Variants in LCN10 observed in about 807,000 individuals in gnomAD.
LCN10 encodes the protein epididymal-specific lipocalin-10.
A neutral mutation model predicts 25.1 loss-of-function variants in LCN10; 18 were observed. The ratio of observed to expected loss-of-function variants is 0.72; its 90% CI spans 0.50 to 1.06. LCN10 has a LOEUF of 1.06. Ranked by LOEUF, LCN10 falls within the 50% of genes least tolerant of loss-of-function variation. The pLI, the probability that LCN10 is intolerant of heterozygous loss-of-function variation, is 0.00. For synonymous variants in LCN10, 130 were observed against 116.7 expected, an observed-to-expected ratio of 1.11 and a Z score of -0.73; for missense variants, 257 against 258.9, an observed-to-expected ratio of 0.99 and a Z score of 0.05.
At chr9:136,741,174 G>A (rs1846924604) in intron 3 of LCN10, 78 bp downstream of exon 3, 5 of 1,294,214 alleles carry the variant, frequency 3.9e-6, no homozygotes, top group Non-Finnish European at 5.5e-6. Flanking sequence ...TGCTCTCGGG[G>A]ACAAGGGGCC....
In LCN10 at chr9:136,742,039, G is replaced by C. The variant is rs1588298078; in HGVS notation, c.118-19C>G. 3 of 1,611,822 alleles carry C rather than the reference G, an allele frequency of 1.9e-6. No individual in the cohort carries two copies. The highest frequency in any genetic ancestry group is 2.5e-6 in the Non-Finnish European group (3 of 1,179,422). On this transcript the variant is annotated intron_variant, in intron 1 of 5. Coordinates refer to ENST00000497771, the MANE Select transcript of LCN10 (RefSeq NM_001001712.3). ...CTGAAAACTGCGCAGCGGATGTGTGGGCGGGGACAGGAGCTGCCACCGGGG... is the reference window on the plus strand; with the variant it reads ...CTGAAAACTGCGCAGCGGATGTGTGCGCGGGGACAGGAGCTGCCACCGGGG...
intron 1 of LCN10, chr9:136,742,332 G>A: frequency 4.6e-6 from 2 of 432,184 alleles, no homozygotes; most frequent in South Asian, 6.6e-5. Context: ...GCTGGGTACT[G>A]CTCGGCCACT....
intron 1 of LCN10, chr9:136,742,405 C>T (rs773503860): frequency 2.2e-5 from 9 of 403,466 alleles, no homozygotes; most frequent in African/African-American, 1.0e-4. Flanking sequence ...CCCTGGGCAC[C>T]GCCGTGCCAA....
In LCN10 at chr9:136,740,896, C is replaced by A; in HGVS notation, c.415G>T (p.Gly139Cys). The change falls in exon 4 of 6, where the codon GGC (glycine) becomes TGC (cysteine). Residue 139 changes from glycine (G) to cysteine (C), a missense_variant. Transcript: ENST00000497771. This position sits in a 1 kb window ranked among gnomAD's most constrained non-coding sequence, Gnocchi z 5.3. ...CGCCCCAGGCGGAGGTAGACCAAGC[C>A]GTAGCTGTAGTCAGTGGACAGCACG... ...FHVLSTDYSY[G>C]LVYLRLGRAT... The A allele has an allele frequency of 6.2e-7, 1 of 1,613,852 alleles. No individual in the cohort carries two copies. The highest frequency in any genetic ancestry group is 8.5e-7 in the Non-Finnish European group (1 of 1,179,866).
Position 136,741,923 on chromosome 9 carries a change from A to G in LCN10, c.215T>C (p.Val72Ala). Residue 72 changes from valine to alanine, a missense_variant, in exon 2 of 6, where the codon GTG becomes GCG. Transcript: ENST00000497771. ...CACGCGGAGCTGGCCCACTTTGTTCACCTTTACCACGGACGCCCCCAGCTT... is the reference window on the plus strand; with the variant it reads ...CACGCGGAGCTGGCCCACTTTGTTCGCCTTTACCACGGACGCCCCCAGCTT... Reference protein sequence around the residue: ...KRKLGASVVKVNKVGQLRVLL... With the variant: ...KRKLGASVVKANKVGQLRVLL... 10 of 1,610,296 alleles carry G rather than the reference A, an allele frequency of 6.2e-6. No homozygotes were observed. The highest frequency in any genetic ancestry group is 8.5e-6 in the Non-Finnish European group (10 of 1,178,664).
chr9:136,742,718 G>C, intron 1 of LCN10, 69 bp downstream of exon 1: 1 of 1,566,150 alleles, frequency 6.4e-7, no homozygotes, highest in Non-Finnish European at 8.7e-7. Flanking sequence ...GCTGCCGGGA[G>C]ACTGTGCAGG....
Position 136,741,864 on chromosome 9 carries a change from G to T in LCN10, c.257+17C>A, listed in dbSNP as rs1846943224. On this transcript the variant is annotated intron_variant, in intron 2 of 5. Transcript: ENST00000497771. Reference sequence around the variant, plus strand: ...CTGGAAGGGGAGACCCTTGCCTGGGGGGCGCTGCCCACTCACCGTCTGAAG... The same window carrying T: ...CTGGAAGGGGAGACCCTTGCCTGGGTGGCGCTGCCCACTCACCGTCTGAAG... 6.3e-7 allele frequency: 1 copy of T among 1,593,382 alleles called. No individual in the cohort carries two copies. The highest frequency in any genetic ancestry group is 1.3e-5 in the African/African-American group (1 of 74,682).
At chr9:136,742,274 G>T (rs1404376105) in intron 1 of LCN10, 5 of 503,942 alleles carry the variant, frequency 9.9e-6, no homozygotes, top group African/African-American at 2.0e-5. Flanking sequence ...CAGGTGGGAG[G>T]CCCCCTACCT....
chr9:136,741,149 C>T (rs551524777), intron 3 of LCN10, 103 bp downstream of exon 3: 98 of 1,137,612 alleles, frequency 8.6e-5, no homozygotes, highest in African/African-American at 6.7e-4. Flanking sequence ...GCCAGCCTGA[C>T]GCCTGCCTGC....
Position 136,742,869 on chromosome 9 carries a change from A to T in LCN10, c.35T>A (p.Leu12Gln), listed in dbSNP as rs147718407. The change falls in exon 1 of 6, where the codon CTG (leucine) becomes CAG (glutamine). Residue 12 changes from leucine (L) to glutamine (Q), a missense_variant. Physicochemically the swap from Leu to Gln is moderately radical, Grantham distance 113 (BLOSUM62 -2). Coordinates refer to ENST00000497771, the MANE Select transcript of LCN10 (RefSeq NM_001001712.3). ...TGCAGCCAGCACTAGCACCAGCACC[A>T]GCACCAGCGCCAGCACCAGCAGCCC... is the stretch of plus-strand genomic sequence containing the variant. ...RQGLLVLALV[L>Q]VLVLVLAAGS... 1.9e-6 allele frequency: 3 copies of T among 1,613,412 alleles called. No homozygotes were observed. The African/African-American group carries it at 4.0e-5, about 22-fold the overall frequency.
chr9:136,740,723 C>T lies in LCN10; in HGVS notation c.475+113G>A, dbSNP rs1846912972. 4 of 770,344 alleles carry T rather than the reference C, an allele frequency of 5.2e-6. No individual in the cohort carries two copies. 47.7% of individuals were successfully genotyped at this position (770,344 alleles called of 1,614,324 possible). A position where few individuals can be genotyped will look rare whatever the true frequency, so the allele number is the denominator to read the frequency against. The stretch of plus-strand genomic sequence containing the variant: ...CCCCTGCCCTGACCACCGCCCCAAC[C>T]CCCACTCTCCCTGCCCGCCTCACCT... On this transcript the variant is annotated intron_variant, in intron 4 of 5. Coordinates refer to ENST00000497771, the MANE Select transcript of LCN10 (RefSeq NM_001001712.3). This position sits in a 1 kb window ranked among gnomAD's most constrained non-coding sequence, Gnocchi z 5.3.
At position 136,741,903 on chromosome 9, in the gene LCN10, G is replaced by C; in HGVS notation, c.235C>G (p.Arg79Gly). The part of the protein sequence containing the change: ...VVKVNKVGQL[R>G]VLLAFRRLKG... ...CACCGTCTGAAGGCGAGGAGCACGCGGAGCTGGCCCACTTTGTTCACCTTT... is the reference window on the plus strand; with the variant it reads ...CACCGTCTGAAGGCGAGGAGCACGCCGAGCTGGCCCACTTTGTTCACCTTT... Residue 79 changes from arginine to glycine, a missense_variant, in exon 2 of 6, where the codon CGC (arginine) becomes GGC (glycine). Arg to Gly is a moderately radical substitution (Grantham distance 125, BLOSUM62 -2). Coordinates refer to ENST00000497771, the MANE Select transcript of LCN10 (RefSeq NM_001001712.3). 4.4e-6 allele frequency: 7 copies of C among 1,608,152 alleles called. No homozygotes were observed. Among genetic ancestry groups the C allele is most frequent in the Non-Finnish European group, 5.1e-6 (6 of 1,177,772 alleles).
In LCN10 at chr9:136,740,182, G is replaced by C. The variant is rs561748536; in HGVS notation, c.476-134C>G. 4 of 711,224 alleles carry C rather than the reference G, an allele frequency of 5.6e-6. No individual in the cohort carries two copies. The East Asian group carries it at 8.2e-5, about 15-fold the overall frequency. The allele number at this position is 711,224 out of a possible 1,614,324, so 44.1% of individuals were successfully genotyped here. On this transcript the variant is annotated intron_variant, in intron 4 of 5. Transcript: ENST00000497771. This position sits in a 1 kb window ranked among gnomAD's most constrained non-coding sequence, Gnocchi z 5.3. ...TAGGCGTGAAGCAGGGGTTGGCCAG[G>C]GGAGGACAGCGGCCGCTGGGCCCCT...
At position 136,740,154 on chromosome 9, in the gene LCN10, G is replaced by A. The variant is rs1228281011; in HGVS notation, c.476-106C>T. 3 of 805,234 alleles carry A rather than the reference G, an allele frequency of 3.7e-6. No homozygotes were observed. The highest frequency in any genetic ancestry group is 6.4e-6 in the Non-Finnish European group (3 of 471,902). 49.9% of individuals were successfully genotyped at this position (805,234 alleles called of 1,614,324 possible). A position where few individuals can be genotyped will look rare whatever the true frequency, so the allele number is the denominator to read the frequency against. ...CAGGAGCTGCTGAAATGTCCTCAGA[G>A]CTTAGGCGTGAAGCAGGGGTTGGCC... is the stretch of plus-strand genomic sequence containing the variant. On this transcript the variant is annotated intron_variant, in intron 4 of 5. Transcript: ENST00000497771. The surrounding 1 kb of genome is among the most constrained non-coding windows in gnomAD (Gnocchi z 5.3).
At chr9:136,741,170 C>T (rs557279105) in intron 3 of LCN10, 82 bp downstream of exon 3, 29 of 1,272,924 alleles carry the variant, frequency 2.3e-5, no homozygotes, top group Admixed American at 7.7e-5. Context: ...CACGTGCTCT[C>T]GGGGACAAGG....
chr9:136,741,924 C>T lies in LCN10; in HGVS notation c.214G>A (p.Val72Met). 1.2e-6 allele frequency: 2 copies of T among 1,610,598 alleles called. No individual in the cohort carries two copies. The highest frequency in any genetic ancestry group is 1.7e-6 in the Non-Finnish European group (2 of 1,178,780). ...KRKLGASVVK[V>M]NKVGQLRVLL... ...ACGCGGAGCTGGCCCACTTTGTTCACCTTTACCACGGACGCCCCCAGCTTC... is the reference window on the plus strand; with the variant it reads ...ACGCGGAGCTGGCCCACTTTGTTCATCTTTACCACGGACGCCCCCAGCTTC... The change falls in exon 2 of 6, where the codon GTG becomes ATG. Residue 72 changes from valine (V) to methionine (M), a missense_variant. Coordinates refer to ENST00000497771, the MANE Select transcript of LCN10 (RefSeq NM_001001712.3).
At position 136,741,907 on chromosome 9, in the gene LCN10, C is replaced by T; in HGVS notation, c.231G>A (p.Gln77=). 6.2e-7 allele frequency: 1 copy of T among 1,608,834 alleles called. No homozygotes were observed. The highest frequency in any genetic ancestry group is 1.7e-5 in the Admixed American group (1 of 59,476). The change falls in exon 2 of 6, where the codon CAG becomes CAA. Residue 77 remains glutamine (Q), a synonymous_variant. Transcript: ENST00000497771. ...GTCTGAAGGCGAGGAGCACGCGGAG[C>T]TGGCCCACTTTGTTCACCTTTACCA... ...ASVVKVNKVG[Q]LRVLLAFRRL...
In LCN10 at chr9:136,740,411, G is replaced by A. The variant is rs1011444406; in HGVS notation, c.476-363C>T. The A allele has an allele frequency of 6.3e-5, 27 of 428,914 alleles. No homozygotes were observed. The highest frequency in any genetic ancestry group is 1.0e-4 in the Admixed American group (3 of 28,864). The allele number at this position is 428,914 out of a possible 1,614,324, so 26.6% of individuals were successfully genotyped here. A position where few individuals can be genotyped will look rare whatever the true frequency, so the allele number is the denominator to read the frequency against. On this transcript the variant is annotated intron_variant, in intron 4 of 5. Transcript: ENST00000497771. This position sits in a 1 kb window ranked among gnomAD's most constrained non-coding sequence, Gnocchi z 5.3. ...CCAACCGGGAGGGCCACTCCTTTCC[G>A]TGTACCCCAAGTGGTTGGTGTCTAG...
At position 136,742,871 on chromosome 9, in the gene LCN10, C is replaced by A; in HGVS notation, c.33G>T (p.Val11=). 3.1e-6 allele frequency: 5 copies of A among 1,613,556 alleles called. No individual in the cohort carries two copies. The highest frequency in any genetic ancestry group is 4.2e-6 in the Non-Finnish European group (5 of 1,179,752). ...CAGCCAGCACTAGCACCAGCACCAG[C>A]ACCAGCGCCAGCACCAGCAGCCCCT... MRQGLLVLAL[V]LVLVLVLAAG... The change falls in exon 1 of 6, where the codon GTG becomes GTT. Residue 11 remains valine, a synonymous_variant. Transcript: ENST00000497771.
Sources: allele counts gnomAD v4.1 joint callset, GRCh38; gene constraint gnomAD v4.1.1; non-coding constraint Gnocchi (gnomAD v3.1); transcripts MANE v1.5; gene names NCBI Gene and HGNC (gene_info 2026-07-23, HGNC 2026-07-21).